The following KIAA1217 variants were observed in gnomAD, a reference collection of about 807,000 sequenced individuals.
The protein encoded by KIAA1217 is sickle tail protein homolog.
A neutral mutation model predicts 163.9 loss-of-function variants in KIAA1217; 88 were observed. That is an observed-to-expected ratio of 0.54 (90% confidence interval 0.45 to 0.64). The LOEUF is 0.64. Among genes scored for constraint, KIAA1217 ranks in the 30% least tolerant of loss-of-function variants. The pLI is 0.00. For missense variants in KIAA1217, 2,372 were observed against 2,475.0 expected (o/e 0.96, Z 0.88); for synonymous variants, 903 against 923.1 (o/e 0.98, Z 0.39).
chr10:24,320,410 G>C (rs1251394604), intron 2 of KIAA1217, among the ~76,000 whole-genome samples: 1 of 152,188 alleles, frequency 6.6e-6, no homozygotes. Context: ...GGCTGGGAGT[G>C]CTGTTTTTAA....
At chr10:24,476,920 AT>A (rs1198546298) in intron 6 of KIAA1217, among the ~76,000 whole-genome samples, 1 of 152,040 alleles carries the variant, frequency 6.6e-6, no homozygotes, top group Non-Finnish European at 1.5e-5. Flanking sequence ...TTCTCTCTAC[AT>A]TTAGACTCAC....
chr10:24,268,475 C>T (rs2076448093), intron 2 of KIAA1217, among the ~76,000 whole-genome samples: 1 of 151,070 alleles, frequency 6.6e-6, no homozygotes, highest in Non-Finnish European at 1.5e-5. Flanking sequence ...TCATCACTGG[C>T]CATCAGAGAA....
At chr10:24,274,562 T>C (rs542008270) in intron 2 of KIAA1217, among the ~76,000 whole-genome samples, 80 of 152,308 alleles carry the variant, frequency 5.3e-4, no homozygotes, top group Admixed American at 1.4e-3. Flanking sequence ...GAAAATACAG[T>C]CAATTCTTGT....
At chr10:23,845,768 G>A (rs1838996812) in intron 1 of KIAA1217, among the ~76,000 whole-genome samples, 1 of 152,132 alleles carries the variant, frequency 6.6e-6, no homozygotes. Context: ...GCCTTTTGTT[G>A]CCATTGCTTT....
Position 23,894,767 on chromosome 10 carries a change from A to T in KIAA1217, c.-320-112458A>T, listed in dbSNP as rs1038417426. ...ACTACAAGGCTACAGTAACCAAAAC[A>T]GCATGGTACTGGTACCAAAACAGAG... On this transcript the variant is annotated intron_variant, in intron 1 of 18. Transcript: ENST00000376462. Among the ~76,000 whole-genome samples the T allele has an allele frequency of 2.7e-5, 4 of 150,646 alleles. No homozygotes were observed. The East Asian group carries it at 5.9e-4, about 22-fold the overall frequency.
At chr10:24,526,176 G>T (rs578122678) in intron 13 of KIAA1217, among the ~76,000 whole-genome samples, 1 of 152,146 alleles carries the variant, frequency 6.6e-6, no homozygotes, top group South Asian at 2.1e-4. Flanking sequence ...TCTACTGAAA[G>T]TCACCAGTGG....
chr10:23,728,970 T>C (rs1242544985), intron 1 of KIAA1217, among the ~76,000 whole-genome samples: 1 of 152,130 alleles, frequency 6.6e-6, no homozygotes, highest in Non-Finnish European at 1.5e-5. Context: ...CTTCCCCCAC[T>C]CCCAACCCGA....
At chr10:24,416,340 TC>T (rs1311644177) in intron 3 of KIAA1217, among the ~76,000 whole-genome samples, 6 of 152,244 alleles carry the variant, frequency 3.9e-5, no homozygotes, top group Admixed American at 1.3e-4. Context: ...GGTATCCACC[TC>T]CATAGCACTA....
intron 1 of KIAA1217, among the ~76,000 whole-genome samples, chr10:23,732,424 T>A (rs749180168): frequency 7.9e-5 from 12 of 152,192 alleles, no homozygotes; most frequent in Non-Finnish European, 1.3e-4. Flanking sequence ...GGTTTTAAAT[T>A]GTATAACAAC....
chr10:24,353,277 C>T (rs1221000179), intron 2 of KIAA1217, among the ~76,000 whole-genome samples: 1 of 152,170 alleles, frequency 6.6e-6, no homozygotes. Context: ...ACCTTTCCCA[C>T]ACCACTATAT....
intron 2 of KIAA1217, among the ~76,000 whole-genome samples, chr10:24,178,985 G>T (rs56723404): frequency 0.011 from 1,677 of 152,108 alleles, 39 homozygotes; most frequent in African/African-American, 0.038. Context: ...TGTAGGGGAG[G>T]AAAAAAATAA....
intron 1 of KIAA1217, among the ~76,000 whole-genome samples, chr10:23,898,119 T>C (rs112121264): frequency 7.2e-5 from 11 of 152,094 alleles, no homozygotes; most frequent in African/African-American, 2.6e-4. Context: ...CTACTCATAT[T>C]TTACTGAACA....
intron 2 of KIAA1217, among the ~76,000 whole-genome samples, chr10:24,155,469 A>G (rs1049356487): frequency 1.2e-4 from 18 of 152,214 alleles, no homozygotes; most frequent in Non-Finnish European, 5.9e-5. Context: ...CAGCAAATCA[A>G]TGGCATAGCT....
At chr10:24,402,986 C>A (rs1006779383) in intron 3 of KIAA1217, among the ~76,000 whole-genome samples, 6 of 152,036 alleles carry the variant, frequency 3.9e-5, no homozygotes, top group Non-Finnish European at 8.8e-5. Flanking sequence ...GCTTTTTTAG[C>A]ATATGGTACT....
chr10:24,001,576 G>T (rs1846745406), intron 1 of KIAA1217, among the ~76,000 whole-genome samples: 1 of 152,198 alleles, frequency 6.6e-6, no homozygotes, highest in South Asian at 2.1e-4. Context: ...AATGGCATGT[G>T]TGTATTTTTA....
chr10:23,841,896 C>T (rs150268677), intron 1 of KIAA1217, among the ~76,000 whole-genome samples: 2,198 of 147,982 alleles, frequency 0.015, 61 homozygotes, highest in African/African-American at 0.053. Flanking sequence ...GAGATGGAGT[C>T]TCACTGTGTC....
At chr10:23,751,606 A>G (rs557440005) in intron 1 of KIAA1217, among the ~76,000 whole-genome samples, 1 of 152,238 alleles carries the variant, frequency 6.6e-6, no homozygotes, top group Non-Finnish European at 1.5e-5. Context: ...TAAAAAAAAA[A>G]GAAATTTCTT....
At position 23,844,861 on chromosome 10, in the gene KIAA1217, G is replaced by T. The variant is rs550038225; in HGVS notation, c.-321+149627G>T. Among the ~76,000 whole-genome samples, 4 of 152,074 alleles carry T rather than the reference G, an allele frequency of 2.6e-5. No individual in the cohort carries two copies. In the East Asian group the frequency reaches 7.7e-4, roughly 29 times the overall value. On this transcript the variant is annotated intron_variant, in intron 1 of 18. Coordinates refer to the KIAA1217 transcript ENST00000376462. ...CCCATCAACCCATCATTTACATTAG[G>T]TATTTCTCCTCATGCTATCCTCCCC...
intron 2 of KIAA1217, among the ~76,000 whole-genome samples, chr10:24,272,612 C>T (rs1396408439): frequency 2.0e-5 from 3 of 152,202 alleles, no homozygotes; most frequent in African/African-American, 7.2e-5. Flanking sequence ...GAATTCTAGC[C>T]ACATTCCAGC....
Sources: allele counts gnomAD v4.1 joint callset (sites outside exome capture counted in the v4.1 genomes callset), GRCh38; gene constraint gnomAD v4.1.1; transcripts MANE v1.5; gene names NCBI Gene and HGNC (gene_info 2026-07-23, HGNC 2026-07-21).